The following BNIP2 variants were observed in gnomAD, a reference collection of about 807,000 sequenced individuals.
BNIP2 encodes the protein BCL2/adenovirus E1B 19 kDa protein-interacting protein 2.
Under a neutral mutation model 43.4 loss-of-function variants are expected in BNIP2, and 36 were observed. The observed-to-expected ratio is 0.83, with a 90% CI of 0.64 to 1.10. The LOEUF (loss-of-function observed/expected upper bound fraction) is 1.10. BNIP2 is among the 50% of genes least tolerant of loss of function. BNIP2 has a pLI of 0.00. For synonymous variants in BNIP2, 146 were observed against 121.0 expected (o/e 1.21, Z -1.35); for missense variants, 417 against 374.1 (o/e 1.11, Z -0.95).
rs371431487 is a variant in BNIP2 at position 59,668,827 on chromosome 15, G to A, written c.893+65C>T. On this transcript the variant is annotated intron_variant, in intron 9 of 9. Transcript: ENST00000607373. ...ATACATAAAGAATGAGTATTGAAAAGTATTATCCATTGCACATCAAAATGT... is the reference window on the plus strand; with the variant it reads ...ATACATAAAGAATGAGTATTGAAAAATATTATCCATTGCACATCAAAATGT... The A allele has an allele frequency of 3.8e-6, 5 of 1,331,358 alleles. No homozygotes were observed. The East Asian group carries it at 7.0e-5, about 19-fold the overall frequency. The allele number at this position is 1,331,358 out of a possible 1,614,324, so 82.5% of individuals were successfully genotyped here. A position where few individuals can be genotyped will look rare whatever the true frequency, so the allele number is the denominator to read the frequency against.
At position 59,662,643 on chromosome 15, in the gene BNIP2, G is replaced by C. The variant is rs1892338288; in HGVS notation, c.*1426C>G. On this transcript the variant is annotated 3_prime_UTR_variant, in exon 10 of 10. Transcript: ENST00000607373. Reference sequence around the variant, plus strand: ...CCACATGTGTGTTCAATCTAGGATAGACTAAATCTTGAAAGGTTAGCTCAC... The same window carrying C: ...CCACATGTGTGTTCAATCTAGGATACACTAAATCTTGAAAGGTTAGCTCAC... 6.6e-6 allele frequency: 1 copy of C among 152,214 alleles called. No individual in the cohort carries two copies. 9.4% of individuals were successfully genotyped at this position (152,214 alleles called of 1,614,324 possible).
At position 59,669,100 on chromosome 15, in the gene BNIP2, G is replaced by A. The variant is rs72751178; in HGVS notation, c.795-110C>T. 1.7e-3 allele frequency: 1,981 copies of A among 1,145,920 alleles called. 1 individual carries two copies. Among genetic ancestry groups the A allele is most frequent in the Non-Finnish European group, 2.3e-3 (1,828 of 795,194 alleles). 71.0% of individuals were successfully genotyped at this position (1,145,920 alleles called of 1,614,324 possible). On this transcript the variant is annotated intron_variant, in intron 8 of 9. Coordinates refer to ENST00000607373, the MANE Select transcript of BNIP2 (RefSeq NM_004330.4). The stretch of plus-strand genomic sequence containing the variant: ...ATTTTGAATGTTCAAAACACAAAAA[G>A]ATGATAAATGTCTGAGGTGATGGAT...
intron 7 of BNIP2, 44 bp downstream of exon 7, chr15:59,671,139 T>C: frequency 1.3e-6 from 2 of 1,495,220 alleles, no homozygotes; most frequent in Non-Finnish European, 1.8e-6. Context: ...CTAAAGCCAT[T>C]ATAAAATTTT....
At position 59,680,205 on chromosome 15, in the gene BNIP2, C is replaced by T. The variant is rs369730203; in HGVS notation, c.118+36G>A. ...CGTGTTTTAAAAAATAACACAAAGTCCATAATTTCAATGAAAGTAAGTGTC... is the reference window on the plus strand; with the variant it reads ...CGTGTTTTAAAAAATAACACAAAGTTCATAATTTCAATGAAAGTAAGTGTC... On this transcript the variant is annotated intron_variant, in intron 3 of 9. Transcript: ENST00000607373. 2.1e-6 allele frequency: 3 copies of T among 1,422,486 alleles called. No homozygotes were observed. The African/African-American group carries it at 4.4e-5, about 21-fold the overall frequency. 88.1% of individuals were successfully genotyped at this position (1,422,486 alleles called of 1,614,324 possible).
At chr15:59,677,861 G>A in intron 5 of BNIP2, 50 bp downstream of exon 5, 3 of 1,527,670 alleles carry the variant, frequency 2.0e-6, no homozygotes, top group South Asian at 1.3e-5. Flanking sequence ...AAAAAAAAAA[G>A]AATTCTGATA....
intron 9 of BNIP2, among the ~76,000 whole-genome samples, chr15:59,665,859 C>T (rs78065398): frequency 1.6e-3 from 247 of 152,276 alleles, no homozygotes; most frequent in Admixed American, 3.3e-3. Context: ...TTTTTATTCT[C>T]ATCACCCATT....
intron 1 of BNIP2, chr15:59,688,929 C>T: frequency 6.9e-7 from 1 of 1,454,766 alleles, no homozygotes; most frequent in Admixed American, 2.7e-5. Context: ...ACAAACAGGA[C>T]CCAAGCCAAG....
chr15:59,688,899 G>A, intron 1 of BNIP2: 6 of 1,472,524 alleles, frequency 4.1e-6, no homozygotes, highest in Middle Eastern at 2.4e-4. Flanking sequence ...GCGACGGGGT[G>A]GGGGGCCAAA....
rs1402987630 is a variant in BNIP2, at chr15:59,671,226, T to C, written c.664A>G (p.Ser222Gly). ...TAACATTTCCTGAGCCATCCCAGAC[T>C]GGGCATTTTTCTTCGAGTTGTTGCA... ...NGATTRRKMP[S>G]LGWLRKCYQQ... The change falls in exon 7 of 10, where the codon AGT becomes GGT. Residue 222 changes from serine to glycine, a missense_variant. Physicochemically the swap from Ser to Gly is moderately conservative, Grantham distance 56 (BLOSUM62 0). Transcript: ENST00000607373. The C allele has an allele frequency of 1.2e-6, 2 of 1,602,668 alleles. No homozygotes were observed. Among genetic ancestry groups the C allele is most frequent in the African/African-American group, 2.7e-5 (2 of 74,868 alleles).
intron 1 of BNIP2, among the ~76,000 whole-genome samples, chr15:59,686,864 A>G (rs1894048641): frequency 6.6e-6 from 1 of 152,146 alleles, no homozygotes; most frequent in African/African-American, 2.4e-5. Context: ...CAAAAATACA[A>G]AAATTAGCCA....
chr15:59,664,790 C>G (rs1185188385), intron 9 of BNIP2, among the ~76,000 whole-genome samples: 3 of 152,182 alleles, frequency 2.0e-5, no homozygotes, highest in Non-Finnish European at 2.9e-5. Flanking sequence ...ACAACTCCCT[C>G]AAAAATGATT....
intron 1 of BNIP2, 139 bp from the exon 2 acceptor site, chr15:59,682,653 A>AT (rs1247680187): frequency 0.1 from 44,811 of 435,852 alleles, 79 homozygotes; most frequent in East Asian, 0.12. Context: ...CAGGGTTGCA[A>AT]TTTTTTTTTT....
chr15:59,678,788 G>T, intron 4 of BNIP2: 1 of 1,302,808 alleles, frequency 7.7e-7, no homozygotes, highest in Non-Finnish European at 1.0e-6. Flanking sequence ...CATGTTAGTT[G>T]TTTCCAAGAC....
At chr15:59,673,163 G>A (rs1566964134) in intron 5 of BNIP2, among the ~76,000 whole-genome samples, 1 of 150,710 alleles carries the variant, frequency 6.6e-6, no homozygotes, top group African/African-American at 2.4e-5. Context: ...CTGTCGTCCA[G>A]GCTGGAGGGC....
intron 9 of BNIP2, among the ~76,000 whole-genome samples, chr15:59,667,358 AT>A: frequency 6.6e-6 from 1 of 152,296 alleles, no homozygotes; most frequent in South Asian, 2.1e-4. Flanking sequence ...TGCTAATTTA[AT>A]TGCCAATATT....
chr15:59,678,172 T>C (rs1163095333), intron 4 of BNIP2, 85 bp from the exon 5 acceptor site: 2 of 1,443,304 alleles, frequency 1.4e-6, no homozygotes, highest in Non-Finnish European at 1.8e-6. Flanking sequence ...ACCTAGATTT[T>C]ACAGAGAATT....
chr15:59,673,078 T>C (rs1344006403), intron 5 of BNIP2, among the ~76,000 whole-genome samples: 5 of 151,828 alleles, frequency 3.3e-5, no homozygotes, highest in South Asian at 4.2e-4. Context: ...ATAACTGCAA[T>C]GTATTTTTAT....
In BNIP2 at chr15:59,689,254, A is replaced by G; in HGVS notation, c.-177T>C. 6.5e-7 allele frequency: 1 copy of G among 1,543,952 alleles called. No homozygotes were observed. Among genetic ancestry groups the G allele is most frequent in the Non-Finnish European group, 8.7e-7 (1 of 1,146,262 alleles). On this transcript the variant is annotated 5_prime_UTR_variant, in exon 1 of 10. Transcript: ENST00000607373. The stretch of plus-strand genomic sequence containing the variant: ...GCCCGCTCCCCTCGGTCGGCGGTGG[A>G]GACCCCGGCCCAATCCCCCGGCCGC...
chr15:59,671,437 C>T (rs1353174892), intron 6 of BNIP2, 123 bp from the exon 7 acceptor site: 2 of 761,518 alleles, frequency 2.6e-6, no homozygotes, highest in Non-Finnish European at 3.9e-6. Context: ...AATGAAAATG[C>T]TCAAACCGCA....
Sources: gnomAD v4.1 joint callset for allele counts (sites outside exome capture counted in the v4.1 genomes callset) on GRCh38, gnomAD v4.1.1 for gene constraint, MANE v1.5 for transcripts, NCBI Gene and HGNC (gene_info 2026-07-23, HGNC 2026-07-21) for gene names.